Variants in KCNH7 observed in about 807,000 individuals in gnomAD.
KCNH7 encodes voltage-gated inwardly rectifying potassium channel KCNH7.
In KCNH7, 49 loss-of-function variants were observed where a neutral mutation model predicts 120.8. The ratio of observed to expected loss-of-function variants is 0.41; its 90% CI spans 0.32 to 0.51. The LOEUF is 0.51. KCNH7 is among the 20% of genes least tolerant of loss of function. KCNH7 has a pLI of 0.38. For missense variants in KCNH7, 1,097 were observed against 1,446.6 expected (o/e 0.76, Z 3.92); for synonymous variants, 547 against 516.1 (o/e 1.06, Z -0.81).
chr2:162,706,302 CT>C (rs1559091770), intron 2 of KCNH7, among the ~76,000 whole-genome samples: 1 of 152,016 alleles, frequency 6.6e-6, no homozygotes, highest in African/African-American at 2.4e-5. Flanking sequence ...ATAAAAATGA[CT>C]TTAGTAAGTC....
intron 2 of KCNH7, among the ~76,000 whole-genome samples, chr2:162,800,192 A>G (rs1684293990): frequency 6.6e-6 from 1 of 151,798 alleles, no homozygotes; most frequent in Non-Finnish European, 1.5e-5. Context: ...TAGAAAAATA[A>G]CCAGATGTAG....
At position 162,743,695 on chromosome 2, in the gene KCNH7, C is replaced by T. The variant is rs1688218304; in HGVS notation, c.307+92842G>A. 1.3e-5 allele frequency among the ~76,000 whole-genome samples: 2 copies of T among 152,012 alleles called. 1 individual carries two copies. Among genetic ancestry groups the T allele is most frequent in the Admixed American group, 1.3e-4 (2 of 15,264 alleles). On this transcript the variant is annotated intron_variant, in intron 2 of 15. Coordinates refer to ENST00000332142, the MANE Select transcript of KCNH7 (RefSeq NM_033272.4). ...ATTTCAGTAGTCTAGAGCAAATTGT[C>T]AACAATGACAACAAATACAATAAAA...
intron 9 of KCNH7, among the ~76,000 whole-genome samples, chr2:162,416,495 A>T (rs1687545528): frequency 6.6e-6 from 1 of 152,112 alleles, no homozygotes; most frequent in Non-Finnish European, 1.5e-5. Flanking sequence ...GCAATTCACC[A>T]CACAGAATCA....
chr2:162,469,814 C>A (rs887764657), intron 6 of KCNH7, among the ~76,000 whole-genome samples: 1 of 152,114 alleles, frequency 6.6e-6, no homozygotes, highest in Non-Finnish European at 1.5e-5. Context: ...CTGCCTGATT[C>A]TCCTGCCTCA....
At chr2:162,763,176 GT>G (rs1689023859) in intron 2 of KCNH7, among the ~76,000 whole-genome samples, 1 of 152,020 alleles carries the variant, frequency 6.6e-6, no homozygotes, top group Non-Finnish European at 1.5e-5. Flanking sequence ...TACAAATTTA[GT>G]TTCATAAATG....
intron 2 of KCNH7, among the ~76,000 whole-genome samples, chr2:162,591,030 A>G (rs540806402): frequency 2.0e-5 from 3 of 152,104 alleles, no homozygotes; most frequent in South Asian, 4.2e-4. Flanking sequence ...CTCACCCCCA[A>G]TGCCCTTGGG....
chr2:162,701,408 T>G (rs1686494148), intron 2 of KCNH7, among the ~76,000 whole-genome samples: 1 of 152,098 alleles, frequency 6.6e-6, no homozygotes. Context: ...GAAGCCCTCA[T>G]TACACACTTA....
Position 162,572,315 on chromosome 2 carries a change from A to G in KCNH7, c.308-35235T>C, listed in dbSNP as rs1693510706. Among the ~76,000 whole-genome samples, 5 of 146,644 alleles carry G rather than the reference A, an allele frequency of 3.4e-5. No individual in the cohort carries two copies. In the South Asian group the frequency reaches 1.1e-3, roughly 33 times the overall value. ...GAAAAAATGCTCATCATCACTGGCC[A>G]TCAGAGAAATGCAAATCAAAACCAC... On this transcript the variant is annotated intron_variant, in intron 2 of 15. Transcript: ENST00000332142.
At chr2:162,525,504 A>G (rs1691669462) in intron 3 of KCNH7, among the ~76,000 whole-genome samples, 1 of 151,920 alleles carries the variant, frequency 6.6e-6, no homozygotes, top group African/African-American at 2.4e-5. Flanking sequence ...TCTCTCAGTG[A>G]GAGGGGATTG....
intron 2 of KCNH7, among the ~76,000 whole-genome samples, chr2:162,686,540 CA>C (rs59273947): frequency 0.042 from 6,368 of 152,186 alleles, 254 homozygotes; most frequent in East Asian, 0.21. Context: ...CAATGTGGAT[CA>C]TGTTTTACAA....
chr2:162,557,086 G>A (rs1297267196), intron 2 of KCNH7, among the ~76,000 whole-genome samples: 1 of 152,168 alleles, frequency 6.6e-6, no homozygotes, highest in South Asian at 2.1e-4. Context: ...TCTGAGCTGG[G>A]TGGTTCCAGC....
chr2:162,752,905 A>AAAAGAAAAGAAAAGAAAAGAG, intron 2 of KCNH7, among the ~76,000 whole-genome samples: 1 of 26,086 alleles, frequency 3.8e-5, no homozygotes, highest in African/African-American at 1.5e-4. Flanking sequence ...CATCTCAGAA[A>AAAAGAAAAGAAAAGAAAAGAG]AAGAAAAGAA....
At chr2:162,753,029 A>AGAAAAGAAAAGAAAAGAAAAGAAAAG (rs1688655610) in intron 2 of KCNH7, among the ~76,000 whole-genome samples, 2 of 139,772 alleles carry the variant, frequency 1.4e-5, no homozygotes, top group Non-Finnish European at 3.1e-5. Context: ...AAAAGAAAAG[A>AGAAAAGAAAAGAAAAGAAAAGAAAAG]AACCCTGACT....
At chr2:162,533,059 T>G (rs1399038406) in intron 3 of KCNH7, among the ~76,000 whole-genome samples, 1 of 151,876 alleles carries the variant, frequency 6.6e-6, no homozygotes, top group Non-Finnish European at 1.5e-5. Flanking sequence ...AATTTTATTT[T>G]TGCTCAAAAT....
At chr2:162,564,658 T>G (rs377547654) in intron 2 of KCNH7, among the ~76,000 whole-genome samples, 1 of 152,262 alleles carries the variant, frequency 6.6e-6, no homozygotes, top group Admixed American at 6.5e-5. Flanking sequence ...CCTTGACCAC[T>G]AATTCTTTGT....
chr2:162,688,067 G>T (rs1448689787), intron 2 of KCNH7, among the ~76,000 whole-genome samples: 1 of 152,128 alleles, frequency 6.6e-6, no homozygotes, highest in South Asian at 2.1e-4. Flanking sequence ...GAGGCATGTA[G>T]ATTTAACCAG....
At chr2:162,649,996 C>T (rs973884837) in intron 2 of KCNH7, among the ~76,000 whole-genome samples, 2 of 152,118 alleles carry the variant, frequency 1.3e-5, no homozygotes, top group African/African-American at 2.4e-5. Flanking sequence ...AAAACAGTTG[C>T]TTCCAGCTTT....
intron 2 of KCNH7, among the ~76,000 whole-genome samples, chr2:162,545,845 CAGG>C (rs891409003): frequency 6.6e-6 from 1 of 152,166 alleles, no homozygotes; most frequent in African/African-American, 2.4e-5. Flanking sequence ...TGTGTTTCCT[CAGG>C]AGTTGTTCCC....
intron 2 of KCNH7, among the ~76,000 whole-genome samples, chr2:162,640,412 A>AT (rs560935858): frequency 3.9e-5 from 6 of 151,924 alleles, no homozygotes; most frequent in African/African-American, 7.2e-5. Context: ...ATGCCTGCCT[A>AT]TTTTTTTTAA....
Sources: allele counts gnomAD v4.1 joint callset (sites outside exome capture counted in the v4.1 genomes callset), GRCh38; gene constraint gnomAD v4.1.1; transcripts MANE v1.5; gene names NCBI Gene and HGNC (gene_info 2026-07-23, HGNC 2026-07-21).